Variants in COL25A1 observed in about 807,000 individuals in gnomAD.
The protein encoded by COL25A1 is collagen alpha-1(XXV) chain.
A neutral mutation model predicts 128.4 loss-of-function variants in COL25A1; 103 were observed. The observed-to-expected ratio is 0.80, with a 90% CI of 0.68 to 0.94. COL25A1 has a LOEUF of 0.94. COL25A1 is among the 40% of genes least tolerant of loss of function. The pLI is 0.00. For synonymous variants in COL25A1, 279 were observed against 277.2 expected (o/e 1.01, Z -0.06); for missense variants, 745 against 840.0 (o/e 0.89, Z 1.40).
chr4:108,982,958 T>A (rs1052777150), intron 6 of COL25A1, among the ~76,000 whole-genome samples: 1 of 152,066 alleles, frequency 6.6e-6, no homozygotes, highest in African/African-American at 2.4e-5. Context: ...AACCAAACAT[T>A]AAAAAAGGAC....
At chr4:109,030,761 TTG>T (rs1758774655) in intron 5 of COL25A1, among the ~76,000 whole-genome samples, 3 of 152,104 alleles carry the variant, frequency 2.0e-5, no homozygotes, top group African/African-American at 4.8e-5. Context: ...CATTTTGTTG[TTG>T]TTGTTGTTGT....
chr4:109,167,856 CT>C (rs1488022522), intron 3 of COL25A1, among the ~76,000 whole-genome samples: 1 of 152,092 alleles, frequency 6.6e-6, no homozygotes, highest in Non-Finnish European at 1.5e-5. Flanking sequence ...ACACAAAAAA[CT>C]CATCTATAAT....
intron 31 of COL25A1, among the ~76,000 whole-genome samples, chr4:108,835,861 C>CTTTTTT (rs1158184110): frequency 3.5e-4 from 16 of 45,720 alleles, no homozygotes; most frequent in East Asian, 7.6e-4. Flanking sequence ...TTACATACGT[C>CTTTTTT]TTTTTTTTTT....
intron 3 of COL25A1, among the ~76,000 whole-genome samples, chr4:109,188,738 G>A (rs1245810523): frequency 6.6e-6 from 1 of 152,102 alleles, no homozygotes; most frequent in Admixed American, 6.5e-5. Flanking sequence ...AAAGTAAGGA[G>A]ACCGTCAATC....
intron 3 of COL25A1, among the ~76,000 whole-genome samples, chr4:109,086,410 G>A (rs955876167): frequency 6.6e-6 from 1 of 152,196 alleles, no homozygotes. Flanking sequence ...TAATGATGAT[G>A]AAGTTGGAAG....
At chr4:108,928,966 C>T (rs1004721733) in intron 11 of COL25A1, among the ~76,000 whole-genome samples, 13 of 152,136 alleles carry the variant, frequency 8.5e-5, no homozygotes, top group South Asian at 2.1e-4. Context: ...CTGGTTCTGC[C>T]GTTAACTATT....
At chr4:109,136,474 T>C (rs1462886047) in intron 3 of COL25A1, among the ~76,000 whole-genome samples, 6 of 152,132 alleles carry the variant, frequency 3.9e-5, no homozygotes. Context: ...CCTACCCAAA[T>C]GTGGAAAATT....
intron 3 of COL25A1, among the ~76,000 whole-genome samples, chr4:109,092,982 A>T (rs1456763559): frequency 2.0e-5 from 3 of 152,070 alleles, no homozygotes; most frequent in Non-Finnish European, 4.4e-5. Context: ...GAAAAAAAAA[A>T]TTTACCTCTG....
At position 108,814,025 on chromosome 4, in the gene COL25A1, C is replaced by G. The variant is rs139436806; in HGVS notation, c.1963-96G>C. On this transcript the variant is annotated intron_variant, in intron 37 of 37. Coordinates refer to ENST00000399132, the MANE Select transcript of COL25A1 (RefSeq NM_198721.4). ...TTTATTTTCAGAAAACTGGTAGAAC[C>G]TTGAATAGAGTCTATAAGCCAACTG... 344 of 963,396 alleles carry G rather than the reference C, an allele frequency of 3.6e-4. 3 individuals carry two copies. The East Asian group carries it at 8.3e-3, about 23-fold the overall frequency. 59.7% of individuals were successfully genotyped at this position (963,396 alleles called of 1,614,324 possible).
At chr4:109,175,866 T>C (rs1237575528) in intron 3 of COL25A1, among the ~76,000 whole-genome samples, 5 of 152,210 alleles carry the variant, frequency 3.3e-5, no homozygotes, top group Admixed American at 3.3e-4. Flanking sequence ...TATTTTCTAG[T>C]TCATTTAAAA....
Position 108,889,417 on chromosome 4 carries a change from ATTTT to A in COL25A1, c.940-165_940-162del, listed in dbSNP as rs34358532. Among the ~76,000 whole-genome samples, 751 of 130,450 alleles carry A rather than the reference ATTTT, an allele frequency of 5.8e-3. 11 individuals carry two copies. The East Asian group carries it at 0.068, about 12-fold the overall frequency. 85.6% of individuals were successfully genotyped at this position (130,450 alleles called of 152,430 possible). ...ACTCTACATCTCACTAGACATACGG[ATTTT>A]TTTTTTTTTTTTTTTTGCTGTAAAT... On this transcript the variant is annotated intron_variant, in intron 17 of 37. Coordinates refer to ENST00000399132, the MANE Select transcript of COL25A1 (RefSeq NM_198721.4).
At chr4:109,290,267 T>A (rs1485372867) in intron 3 of COL25A1, among the ~76,000 whole-genome samples, 1 of 152,230 alleles carries the variant, frequency 6.6e-6, no homozygotes, top group African/African-American at 2.4e-5. Context: ...AACCTTTTTT[T>A]TAAAATTCCA....
At chr4:109,119,009 A>C (rs1767867309) in intron 3 of COL25A1, among the ~76,000 whole-genome samples, 1 of 152,058 alleles carries the variant, frequency 6.6e-6, no homozygotes, top group African/African-American at 2.4e-5. Context: ...AGAAAGTATA[A>C]AATGTTTGCT....
chr4:109,019,272 T>C (rs1757478351), intron 5 of COL25A1, among the ~76,000 whole-genome samples: 1 of 151,152 alleles, frequency 6.6e-6, no homozygotes, highest in South Asian at 2.1e-4. Context: ...GCTCCTCAGC[T>C]TGCAGACAGT....
At chr4:109,111,101 C>T (rs1374535208) in intron 3 of COL25A1, among the ~76,000 whole-genome samples, 1 of 152,206 alleles carries the variant, frequency 6.6e-6, no homozygotes, top group East Asian at 1.9e-4. Context: ...TTTTTCTCTA[C>T]CTCCTCCCTG....
At chr4:109,003,132 AAG>A (rs1165819370) in intron 6 of COL25A1, among the ~76,000 whole-genome samples, 8 of 152,218 alleles carry the variant, frequency 5.3e-5, no homozygotes, top group Non-Finnish European at 8.8e-5. Flanking sequence ...TAATTAAACT[AAG>A]AGCTTCTGCA....
chr4:109,259,098 G>A (rs1781264512), intron 3 of COL25A1, among the ~76,000 whole-genome samples: 1 of 152,108 alleles, frequency 6.6e-6, no homozygotes, highest in African/African-American at 2.4e-5. Flanking sequence ...CCTCAGGGCA[G>A]GGACTGTGAA....
At chr4:108,986,789 T>C (rs559175457) in intron 6 of COL25A1, among the ~76,000 whole-genome samples, 1 of 152,324 alleles carries the variant, frequency 6.6e-6, no homozygotes, top group South Asian at 2.1e-4. Context: ...TATTAAGAAA[T>C]TACTGGTAAT....
intron 3 of COL25A1, among the ~76,000 whole-genome samples, chr4:109,138,857 A>G (rs1349708107): frequency 6.6e-6 from 1 of 151,808 alleles, no homozygotes; most frequent in Non-Finnish European, 1.5e-5. Flanking sequence ...ACAGGCACCC[A>G]CCACCACGCC....
Sources: gnomAD v4.1 joint callset for allele counts (sites outside exome capture counted in the v4.1 genomes callset) on GRCh38, gnomAD v4.1.1 for gene constraint, MANE v1.5 for transcripts, NCBI Gene and HGNC (gene_info 2026-07-23, HGNC 2026-07-21) for gene names.